The following ADD1 variants were observed in gnomAD, a reference collection of about 807,000 sequenced individuals.
ADD1 encodes alpha-adducin.
ADD1 carries 24 observed loss-of-function variants against 80.5 expected under a neutral mutation model. The ratio of observed to expected loss-of-function variants is 0.30; its 90% CI spans 0.22 to 0.42. The LOEUF (loss-of-function observed/expected upper bound fraction) is 0.42. Ranked by LOEUF, ADD1 falls within the 10% of genes least tolerant of loss-of-function variation. The probability of loss-of-function intolerance (pLI) is 1.00; values close to 1 mark genes in which losing one functional copy is unlikely to be tolerated. For missense variants in ADD1, 948 were observed against 1,019.0 expected, an observed-to-expected ratio of 0.93 and a Z score of 0.95; for synonymous variants, 373 against 393.8, an observed-to-expected ratio of 0.95 and a Z score of 0.63.
chr4:2,853,819 G>T (rs888188391), intron 1 of ADD1: 1 of 151,940 alleles, frequency 6.6e-6, no homozygotes, highest in Non-Finnish European at 1.5e-5. Flanking sequence ...GGCCAGGGTG[G>T]TCTTGAACTC....
At chr4:2,845,303 C>T (rs553867843) in intron 1 of ADD1, among the ~76,000 whole-genome samples, 2 of 152,268 alleles carry the variant, frequency 1.3e-5, no homozygotes, top group South Asian at 4.1e-4. Context: ...AGTCTCTTGA[C>T]CTCGTGATCC....
At chr4:2,905,137 A>T (rs756153039) in intron 10 of ADD1, 29 bp downstream of exon 10, 1 of 1,606,424 alleles carries the variant, frequency 6.2e-7, no homozygotes, top group Non-Finnish European at 8.5e-7. Flanking sequence ...GTTCATAGTT[A>T]GATGACGTAG....
chr4:2,867,579 A>C (rs935818295), intron 1 of ADD1, among the ~76,000 whole-genome samples: 1 of 152,210 alleles, frequency 6.6e-6, no homozygotes, highest in Non-Finnish European at 1.5e-5. Context: ...AGGATTAATT[A>C]ATGCTGTAGT....
intron 14 of ADD1, among the ~76,000 whole-genome samples, chr4:2,919,424 T>C (rs1739622457): frequency 6.6e-6 from 1 of 152,016 alleles, no homozygotes; most frequent in African/African-American, 2.4e-5. Flanking sequence ...CCAGCTCCTT[T>C]CTGTACCTCT....
At chr4:2,852,837 C>G (rs138797300) in intron 1 of ADD1, among the ~76,000 whole-genome samples, 250 of 151,866 alleles carry the variant, frequency 1.6e-3, no homozygotes, top group Middle Eastern at 3.4e-3. Flanking sequence ...GCAGCTGGGC[C>G]TGCAGACCCA....
intron 14 of ADD1, among the ~76,000 whole-genome samples, chr4:2,917,898 C>T (rs1379812071): frequency 6.6e-6 from 1 of 152,156 alleles, no homozygotes; most frequent in African/African-American, 2.4e-5. Context: ...GTTTTGGTAC[C>T]AGTACCGTGC....
At position 2,916,073 on chromosome 4, in the gene ADD1, T is replaced by C. The variant is rs574163059; in HGVS notation, c.1948+1033T>C. ...CTGGGCTGGAGGGCATTGGTCCTTC[T>C]CCCAGGGAGGTTTCTGTCCACATGG... On this transcript the variant is annotated intron_variant, in intron 14 of 15. Coordinates refer to ENST00000683351, the MANE Select transcript of ADD1 (RefSeq NM_001354761.2). Among the ~76,000 whole-genome samples the C allele has an allele frequency of 1.1e-4, 16 of 152,168 alleles. No individual in the cohort carries two copies. The East Asian group carries it at 2.1e-3, about 20-fold the overall frequency.
intron 15 of ADD1, among the ~76,000 whole-genome samples, chr4:2,927,676 T>C (rs1305890004): frequency 6.6e-6 from 1 of 152,214 alleles, no homozygotes; most frequent in Non-Finnish European, 1.5e-5. Context: ...ACGGCTTTGT[T>C]CTTTTGGATG....
rs1157545737 is a variant in ADD1, at chr4:2,929,654, G to A, written c.*1131G>A. On this transcript the variant is annotated 3_prime_UTR_variant, in exon 16 of 16. Transcript: ENST00000683351. ...CTTGTGTGGGCCCAACAGGCCCTTGGTAGAGCTGGTGCCAGATGTGGGCTC... is the reference window on the plus strand; with the variant it reads ...CTTGTGTGGGCCCAACAGGCCCTTGATAGAGCTGGTGCCAGATGTGGGCTC... 1.3e-5 allele frequency: 2 copies of A among 152,300 alleles called. No homozygotes were observed. The highest frequency in any genetic ancestry group is 4.8e-5 in the African/African-American group (2 of 41,472). The allele number at this position is 152,300 out of a possible 1,614,324, so 9.4% of individuals were successfully genotyped here. A position where few individuals can be genotyped will look rare whatever the true frequency, so the allele number is the denominator to read the frequency against.
At chr4:2,848,167 A>G (rs2108773058) in intron 1 of ADD1, among the ~76,000 whole-genome samples, 1 of 151,882 alleles carries the variant, frequency 6.6e-6, no homozygotes, top group South Asian at 2.1e-4. Flanking sequence ...GTGAGTTGAG[A>G]TCGTGCCATT....
chr4:2,919,210 G>A (rs13140733), intron 14 of ADD1, among the ~76,000 whole-genome samples: 36,603 of 152,100 alleles, frequency 0.24, 5,114 homozygotes, highest in South Asian at 0.49. Flanking sequence ...TAAGCTTTTT[G>A]ATGTGCTGCT....
At position 2,926,021 on chromosome 4, in the gene ADD1, G is replaced by A. The variant is rs780154799; in HGVS notation, c.1956G>A (p.Leu652=). 3 of 1,614,004 alleles carry A rather than the reference G, an allele frequency of 1.9e-6. No homozygotes were observed. Among genetic ancestry groups the A allele is most frequent in the Non-Finnish European group, 2.5e-6 (3 of 1,179,898 alleles). The change falls in exon 15 of 16, where the codon CTG becomes CTA. Residue 652 remains leucine (L), a synonymous_variant. Coordinates refer to ENST00000683351, the MANE Select transcript of ADD1 (RefSeq NM_001354761.2). This position sits in a 1 kb window ranked among gnomAD's most constrained non-coding sequence, Gnocchi z 5.0. The part of the protein sequence containing the change: ...ERKQKGSEEN[L]DEAREQKEKS... Reference sequence around the variant, plus strand: ...CTTCTTGCTTCTCTGCAGAGAATCTGGACGAGGCTAGAGAACAGAAAGAAA... The same window carrying A: ...CTTCTTGCTTCTCTGCAGAGAATCTAGACGAGGCTAGAGAACAGAAAGAAA...
At chr4:2,925,978 C>G in intron 14 of ADD1, 36 bp from the exon 15 acceptor site, 1 of 1,596,390 alleles carries the variant, frequency 6.3e-7, no homozygotes, top group Non-Finnish European at 8.6e-7. Context: ...GCGTGGCGTC[C>G]ACAGCTCCTA....
At chr4:2,880,327 GGCAATCTCCT>G (rs1443919503) in intron 2 of ADD1, among the ~76,000 whole-genome samples, 3 of 151,878 alleles carry the variant, frequency 2.0e-5, no homozygotes, top group African/African-American at 7.3e-5. Flanking sequence ...ACTGTCCCTT[GGCAATCTCCT>G]GCAATATGTT....
chr4:2,911,198 C>T (rs557837356), intron 13 of ADD1, among the ~76,000 whole-genome samples: 1 of 152,254 alleles, frequency 6.6e-6, no homozygotes, highest in East Asian at 1.9e-4. Context: ...ATGCCTGCTT[C>T]CCATCTGAGA....
At chr4:2,850,386 G>A (rs1726889587) in intron 1 of ADD1, among the ~76,000 whole-genome samples, 1 of 152,180 alleles carries the variant, frequency 6.6e-6, no homozygotes, top group Non-Finnish European at 1.5e-5. Context: ...TCCTGCCTCA[G>A]CCTCCTGAGT....
rs780801675 is a variant in ADD1, at chr4:2,852,234, T to TCTTTCCTTTCTTTC, written c.-21+8215_-21+8216insCTTTCTTTCCTTTC. Among the ~76,000 whole-genome samples the TCTTTCCTTTCTTTC allele has an allele frequency of 9.6e-3, 1,369 of 142,688 alleles. 43 individuals are homozygous for TCTTTCCTTTCTTTC. The highest frequency in any genetic ancestry group is 0.03 in the African/African-American group (1,121 of 37,450). The allele number at this position is 142,688 out of a possible 152,430, so 93.6% of individuals were successfully genotyped here. ...TTTCCTTTCTTTCCTTTCTTTCCTT[T>TCTTTCCTTTCTTTC]CTTTCTTTCTTTCTCTTTCTTTCTT... On this transcript the variant is annotated intron_variant, in intron 1 of 15. Transcript: ENST00000683351.
At chr4:2,847,356 G>A (rs1415788994) in intron 1 of ADD1, among the ~76,000 whole-genome samples, 2 of 152,004 alleles carry the variant, frequency 1.3e-5, no homozygotes, top group Non-Finnish European at 2.9e-5. Flanking sequence ...AGGAGGCGGA[G>A]GTCGCAGTGC....
rs1463497882 is a variant in ADD1 at position 2,926,064 on chromosome 4, C to G, written c.1999C>G (p.Pro667Ala). The change falls in exon 15 of 16, where the codon CCT becomes GCT. Residue 667 changes from proline to alanine, a missense_variant. Coordinates refer to ENST00000683351, the MANE Select transcript of ADD1 (RefSeq NM_001354761.2). The surrounding 1 kb of genome is among the most constrained non-coding windows in gnomAD (Gnocchi z 5.0). Reference sequence around the variant, plus strand: ...GAAAGAAAAGAGTCCTCCAGACCAGCCTGCGGTCCCCCACCCGCCTCCCAG... The same window carrying G: ...GAAAGAAAAGAGTCCTCCAGACCAGGCTGCGGTCCCCCACCCGCCTCCCAG... Reference protein sequence around the residue: ...EQKEKSPPDQPAVPHPPPSTP... With the variant: ...EQKEKSPPDQAAVPHPPPSTP... 2 of 1,614,186 alleles carry G rather than the reference C, an allele frequency of 1.2e-6. No homozygotes were observed. Among genetic ancestry groups the G allele is most frequent in the Non-Finnish European group, 1.7e-6 (2 of 1,180,020 alleles).
Sources: gnomAD v4.1 joint callset for allele counts (sites outside exome capture counted in the v4.1 genomes callset) on GRCh38, gnomAD v4.1.1 for gene constraint, Gnocchi (gnomAD v3.1) non-coding constraint, MANE v1.5 for transcripts, NCBI Gene and HGNC (gene_info 2026-07-23, HGNC 2026-07-21) for gene names.